Variants in JAZF1 observed in about 807,000 individuals in gnomAD.
JAZF1 encodes juxtaposed with another zinc finger protein 1.
A neutral mutation model predicts 26.4 loss-of-function variants in JAZF1; 8 were observed. The ratio of observed to expected loss-of-function variants is 0.30; its 90% confidence interval spans 0.18 to 0.55. The LOEUF is 0.55. JAZF1 is among the 20% of genes least tolerant of loss of function. The pLI, the probability that JAZF1 is intolerant of heterozygous loss-of-function variation, is 0.94. For synonymous variants in JAZF1, 126 were observed against 122.3 expected (o/e 1.03, Z -0.20); for missense variants, 199 against 322.0 (o/e 0.62, Z 2.92).
rs187159301 is a variant in JAZF1, at chr7:28,176,787, G to T, written c.115+3676C>A. Among the ~76,000 whole-genome samples the T allele has an allele frequency of 3.7e-3, 559 of 152,282 alleles. 1 individual carries two copies. The highest frequency in any genetic ancestry group is 0.01 in the Middle Eastern group (3 of 294). ...ATCAAATAAGAATGATTCAACAGTT[G>T]TGTTTCTCAGACAAAAAGCCATACG... On this transcript the variant is annotated intron_variant, in intron 1 of 4. Transcript: ENST00000283928.
chr7:27,909,002 T>TATTCATTCATTC (rs71555720), intron 2 of JAZF1, among the ~76,000 whole-genome samples: 42,140 of 151,006 alleles, frequency 0.28, 5,999 homozygotes, highest in Middle Eastern at 0.33. Flanking sequence ...ACTTGAATAA[T>TATTCATTCATTC]ATTCATTCAT....
Position 28,180,672 on chromosome 7 carries a change from TG to T in JAZF1, c.-96del. On this transcript the variant is annotated 5_prime_UTR_variant, in exon 1 of 5. Coordinates refer to ENST00000283928, the MANE Select transcript of JAZF1 (RefSeq NM_175061.4). ...CGGGTGGGGTGAGGAGAGGAGGGGC[TG>T]GGGGAGGGGGAGAGAGGCGGGGTGA... The T allele has an allele frequency of 4.3e-5, 4 of 92,244 alleles. No individual in the cohort carries two copies. The highest frequency in any genetic ancestry group is 3.2e-4 in the South Asian group (4 of 12,576). 5.7% of individuals were successfully genotyped at this position (92,244 alleles called of 1,614,324 possible).
chr7:27,831,263 A>C lies in JAZF1; in HGVS notation c.*1537T>G, dbSNP rs575068606. ...AACAAACAGAACTGTCATCCTTTCA[A>C]AATGTCTGAAAATTGAGGAGGGACC... On this transcript the variant is annotated 3_prime_UTR_variant, in exon 5 of 5. Transcript: ENST00000283928. The C allele has an allele frequency of 4.4e-6, 1 of 225,666 alleles. No individual in the cohort carries two copies. Among genetic ancestry groups the C allele is most frequent in the South Asian group, 1.8e-4 (1 of 5,458 alleles). 14.0% of individuals were successfully genotyped at this position (225,666 alleles called of 1,614,324 possible).
At chr7:27,984,493 C>T (rs562596190) in intron 2 of JAZF1, among the ~76,000 whole-genome samples, 6 of 152,146 alleles carry the variant, frequency 3.9e-5, no homozygotes, top group Non-Finnish European at 8.8e-5. Context: ...GACTCCCACA[C>T]AATAATAACG....
At chr7:27,949,339 C>T (rs1019745470) in intron 2 of JAZF1, among the ~76,000 whole-genome samples, 1 of 152,198 alleles carries the variant, frequency 6.6e-6, no homozygotes, top group African/African-American at 2.4e-5. Flanking sequence ...GCCCTCCTGT[C>T]ATTCCCCAGT....
At chr7:27,853,774 G>A (rs1250257349) in intron 3 of JAZF1, among the ~76,000 whole-genome samples, 1 of 152,144 alleles carries the variant, frequency 6.6e-6, no homozygotes, top group East Asian at 1.9e-4. Flanking sequence ...TGCATTTGCT[G>A]AGCAGTATTT....
intron 1 of JAZF1, among the ~76,000 whole-genome samples, chr7:28,015,033 A>ATGTGTGTGTGTGTG (rs397804972): frequency 1.4e-5 from 2 of 140,780 alleles, no homozygotes; most frequent in African/African-American, 2.9e-5. Context: ...GAAAGTGTGT[A>ATGTGTGTGTGTGTG]TGTGTGTGTG....
intron 1 of JAZF1, among the ~76,000 whole-genome samples, chr7:28,051,749 C>T (rs139153889): frequency 2.0e-5 from 3 of 152,292 alleles, no homozygotes; most frequent in Non-Finnish European, 4.4e-5. Flanking sequence ...CCAAACAGTG[C>T]TATAAATAAC....
chr7:27,908,889 GTTGTAATT>G, intron 2 of JAZF1, among the ~76,000 whole-genome samples: 1 of 152,308 alleles, frequency 6.6e-6, no homozygotes. Context: ...CTTTAAATTT[GTTGTAATT>G]TTGTCTATTG....
At chr7:28,102,863 C>T (rs1200792757) in intron 1 of JAZF1, among the ~76,000 whole-genome samples, 7 of 152,104 alleles carry the variant, frequency 4.6e-5, no homozygotes, top group Non-Finnish European at 1.0e-4. Context: ...ACAATACCAC[C>T]TCCAATGCAA....
At chr7:27,979,070 G>A (rs6965213) in intron 2 of JAZF1, among the ~76,000 whole-genome samples, 35,283 of 151,994 alleles carry the variant, frequency 0.23, 4,514 homozygotes, top group East Asian at 0.49. Flanking sequence ...TTTAGAGGTC[G>A]AGCCTACCAT....
intron 1 of JAZF1, among the ~76,000 whole-genome samples, chr7:28,071,964 T>G (rs1038823779): frequency 6.6e-6 from 1 of 152,218 alleles, no homozygotes; most frequent in African/African-American, 2.4e-5. Flanking sequence ...CAGAAAATGT[T>G]AAAGAAGAAA....
At chr7:27,999,259 G>A (rs1390445734) in intron 1 of JAZF1, among the ~76,000 whole-genome samples, 1 of 152,184 alleles carries the variant, frequency 6.6e-6, no homozygotes, top group Non-Finnish European at 1.5e-5. Flanking sequence ...AAGTTAATTT[G>A]TGTGCACACA....
intron 2 of JAZF1, among the ~76,000 whole-genome samples, chr7:27,987,562 G>A (rs1378987194): frequency 2.0e-5 from 3 of 151,814 alleles, no homozygotes; most frequent in Non-Finnish European, 4.4e-5. Flanking sequence ...TGTCCGGGAG[G>A]GAGGTGGGGG....
chr7:28,096,011 C>T (rs1784377988), intron 1 of JAZF1, among the ~76,000 whole-genome samples: 1 of 152,188 alleles, frequency 6.6e-6, no homozygotes, highest in Non-Finnish European at 1.5e-5. Flanking sequence ...TTCATCATCC[C>T]CTCAAAGGCT....
intron 3 of JAZF1, among the ~76,000 whole-genome samples, chr7:27,856,907 G>A (rs532072725): frequency 5.9e-5 from 9 of 152,370 alleles, no homozygotes; most frequent in African/African-American, 1.9e-4. Flanking sequence ...TAGAGACAAA[G>A]TGCTGACTGG....
intron 1 of JAZF1, among the ~76,000 whole-genome samples, chr7:28,035,772 T>A (rs1166831794): frequency 1.3e-5 from 2 of 152,070 alleles, no homozygotes; most frequent in Admixed American, 6.5e-5. Context: ...TTCTTCTGGG[T>A]TTTCAAAACC....
chr7:27,993,020 GAGA>G (rs1461447708), intron 1 of JAZF1, among the ~76,000 whole-genome samples: 1 of 152,200 alleles, frequency 6.6e-6, no homozygotes, highest in African/African-American at 2.4e-5. Context: ...TACAGTGGCA[GAGA>G]ACACGGGTGG....
intron 3 of JAZF1, among the ~76,000 whole-genome samples, chr7:27,881,184 G>A (rs899665770): frequency 2.6e-5 from 4 of 152,116 alleles, no homozygotes; most frequent in African/African-American, 9.7e-5. Context: ...ATCTCCCGGG[G>A]AGGGGGCATG....
Sources: allele counts gnomAD v4.1 joint callset (sites outside exome capture counted in the v4.1 genomes callset), GRCh38; gene constraint gnomAD v4.1.1; transcripts MANE v1.5; gene names NCBI Gene and HGNC (gene_info 2026-07-23, HGNC 2026-07-21).